The following F8 variants were observed in gnomAD, a reference collection of about 807,000 sequenced individuals.
F8 encodes the protein antihemophilic factor.
In F8, 12 loss-of-function variants were observed where a neutral mutation model predicts 140.6. The observed-to-expected ratio is 0.09, with a 90% CI of 0.05 to 0.14. F8 has a LOEUF of 0.14. F8 is among the 10% of genes least tolerant of loss of function. F8 has a pLI of 1.00. For missense variants in F8, 1,354 were observed against 1,720.7 expected, an observed-to-expected ratio of 0.79 and a Z score of 3.77; for synonymous variants, 585 against 614.6, an observed-to-expected ratio of 0.95 and a Z score of 0.71.
intron 25 of F8, among the ~76,000 whole-genome samples, chrX:154,854,616 G>GTGTGTGTA (rs1557272367): frequency 9.1e-6 from 1 of 110,392 alleles, no homozygotes; most frequent in Non-Finnish European, 1.9e-5. Flanking sequence ...GTGTGTGTGT[G>GTGTGTGTA]TGTATGTATC....
rs781930114 is a variant in F8, at chrX:154,999,440, C to A, written c.265+39G>T. The A allele has an allele frequency of 2.5e-6, 3 of 1,185,621 alleles. No individual in the cohort carries two copies. In the East Asian group the frequency reaches 9.2e-5, roughly 36 times the overall value. Reference sequence around the variant, plus strand: ...GGAATCTGTGATAGAAAATAAGATACCCAATTTCATAAATAGCATTCAACA... The same window carrying A: ...GGAATCTGTGATAGAAAATAAGATAACCAATTTCATAAATAGCATTCAACA... On this transcript the variant is annotated intron_variant, in intron 2 of 25. Coordinates refer to ENST00000360256, the MANE Select transcript of F8 (RefSeq NM_000132.4).
intron 14 of F8, among the ~76,000 whole-genome samples, chrX:154,918,432 C>CGGATTGAGGCAGGAAT (rs1277013770): frequency 4.5e-5 from 5 of 110,839 alleles, no homozygotes; most frequent in African/African-American, 1.6e-4. Context: ...CTGCTTCCCA[C>CGGATTGAGGCAGGAAT]GGATTGAGGC....
intron 22 of F8, among the ~76,000 whole-genome samples, chrX:154,874,098 T>G (rs1430344200): frequency 2.7e-5 from 3 of 112,254 alleles, no homozygotes; most frequent in Admixed American, 1.9e-4. Flanking sequence ...TATCTGATAA[T>G]GGGTAAGAAA....
At chrX:154,950,772 C>T (rs1375818461) in intron 12 of F8, among the ~76,000 whole-genome samples, 2 of 111,957 alleles carry the variant, frequency 1.8e-5, no homozygotes, top group Non-Finnish European at 3.8e-5. Flanking sequence ...TCCCAGTACT[C>T]GGAATATATC....
At chrX:154,849,610 A>G (rs978111196) in intron 25 of F8, among the ~76,000 whole-genome samples, 1 of 110,270 alleles carries the variant, frequency 9.1e-6, no homozygotes, top group African/African-American at 3.3e-5. Flanking sequence ...TTTTTTATCA[A>G]TCTGACAATC....
intron 10 of F8, 120 bp from the exon 11 acceptor site, chrX:154,957,291 G>A: frequency 1.7e-6 from 1 of 588,975 alleles, no homozygotes; most frequent in Non-Finnish European, 2.8e-6. Flanking sequence ...TTCTGAGCAA[G>A]TGGAAGCTAA....
intron 8 of F8, 73 bp from the exon 9 acceptor site, chrX:154,966,214 G>A (rs1413518483): frequency 9.6e-7 from 1 of 1,038,964 alleles, no homozygotes; most frequent in African/African-American, 1.9e-5. Context: ...CTCTAAAACA[G>A]CTTATATGAT....
intron 25 of F8, among the ~76,000 whole-genome samples, chrX:154,847,700 A>C: frequency 9.0e-6 from 1 of 111,294 alleles, no homozygotes; most frequent in Non-Finnish European, 1.9e-5. Flanking sequence ...CTTTTTTTTC[A>C]AGGTTTTTAG....
At chrX:154,848,639 C>T (rs1206750165) in intron 25 of F8, among the ~76,000 whole-genome samples, 2 of 111,962 alleles carry the variant, frequency 1.8e-5, no homozygotes, top group Non-Finnish European at 3.8e-5. Flanking sequence ...ATTGGAAAAG[C>T]GCAGTATTAG....
chrX:155,009,306 C>G (rs1557286366), intron 1 of F8, among the ~76,000 whole-genome samples: 1 of 111,212 alleles, frequency 9.0e-6, no homozygotes, highest in African/African-American at 3.3e-5. Context: ...CCAACTCATC[C>G]CTAGTTTGCT....
At chrX:154,896,343 A>G (rs1421528927) in intron 21 of F8, 111 bp from the exon 22 acceptor site, 1 of 825,922 alleles carries the variant, frequency 1.2e-6, no homozygotes. Context: ...TGTGTCCATC[A>G]TTACCTTAGG....
intron 14 of F8, among the ~76,000 whole-genome samples, chrX:154,920,416 A>G (rs917771728): frequency 6.3e-5 from 7 of 110,788 alleles, no homozygotes; most frequent in Non-Finnish European, 1.3e-4. Flanking sequence ...TTTTTATTGC[A>G]TCCACAAACT....
intron 9 of F8, among the ~76,000 whole-genome samples, chrX:154,962,274 A>G (rs5987073): frequency 0.01 from 1,135 of 112,124 alleles, 15 homozygotes; most frequent in African/African-American, 0.035. Context: ...TTGACAATGT[A>G]GAGGGCTGAC....
chrX:154,880,529 T>A (rs1557274344), intron 22 of F8, among the ~76,000 whole-genome samples: 1 of 112,393 alleles, frequency 8.9e-6, no homozygotes, highest in African/African-American at 3.2e-5. Flanking sequence ...TGTCTTGTTA[T>A]GTTTTCACAA....
chrX:154,907,358 C>T (rs1393563476), intron 14 of F8, among the ~76,000 whole-genome samples: 1 of 111,706 alleles, frequency 9.0e-6, no homozygotes, highest in African/African-American at 3.3e-5. Context: ...ATACCCTAAT[C>T]ACGGACATTT....
chrX:155,000,756 T>C (rs2073642052), intron 1 of F8, among the ~76,000 whole-genome samples: 1 of 112,319 alleles, frequency 8.9e-6, no homozygotes, highest in Non-Finnish European at 1.9e-5. Context: ...CACTTAGATG[T>C]GAAGCAGTTG....
chrX:154,986,672 A>G (rs187462565), intron 5 of F8, among the ~76,000 whole-genome samples: 66 of 111,391 alleles, frequency 5.9e-4, no homozygotes, highest in Middle Eastern at 9.2e-3. Context: ...GAGACAGATC[A>G]TGAGGGCCTC....
At chrX:154,854,106 C>A (rs2072634551) in intron 25 of F8, among the ~76,000 whole-genome samples, 1 of 111,985 alleles carries the variant, frequency 8.9e-6, no homozygotes, top group Non-Finnish European at 1.9e-5. Flanking sequence ...CCCTGGTAAC[C>A]TCTTTTCTAC....
At chrX:154,997,178 C>A in intron 2 of F8, 83 bp from the exon 3 acceptor site, 1 of 1,085,492 alleles carries the variant, frequency 9.2e-7, no homozygotes, top group South Asian at 1.9e-5. Flanking sequence ...GAGTCAAGGT[C>A]ACAGTGGAGA....
Sources: gnomAD v4.1 joint callset for allele counts (sites outside exome capture counted in the v4.1 genomes callset) on GRCh38, gnomAD v4.1.1 for gene constraint, MANE v1.5 for transcripts, NCBI Gene and HGNC (gene_info 2026-07-23, HGNC 2026-07-21) for gene names.